Variants in FBXO34 observed in about 807,000 individuals in gnomAD.
FBXO34 encodes F-box only protein 34.
A neutral mutation model predicts 24.5 loss-of-function variants in FBXO34; 12 were observed. That is an observed-to-expected ratio of 0.49 (90% CI 0.31 to 0.79). The LOEUF is 0.79. Ranked by LOEUF, FBXO34 falls within the 30% of genes least tolerant of loss-of-function variation. The probability of loss-of-function intolerance (pLI) is 0.04; values close to 1 mark genes in which losing one functional copy is unlikely to be tolerated. For missense variants in FBXO34, 823 were observed against 857.7 expected, an observed-to-expected ratio of 0.96 and a Z score of 0.51; for synonymous variants, 320 against 311.9, an observed-to-expected ratio of 1.03 and a Z score of -0.27.
At chr14:55,436,846 T>G in the FBXO34 span, 2 of 1,614,244 alleles carry the variant, frequency 1.2e-6, no homozygotes, top group Non-Finnish European at 1.7e-6. Flanking sequence ...TTTATTTTCC[T>G]GGGTAACTTC....
chr14:55,363,497 T>A (rs1884621021), downstream of FBXO34, among the ~76,000 whole-genome samples: 1 of 151,584 alleles, frequency 6.6e-6, no homozygotes, highest in Non-Finnish European at 1.5e-5. Flanking sequence ...CCGACTAATT[T>A]TTGTATTTTT....
At chr14:55,440,426 C>T in the FBXO34 span, 1 of 1,613,034 alleles carries the variant, frequency 6.2e-7, no homozygotes, top group Non-Finnish European at 8.5e-7. Context: ...GGTAGAGCTC[C>T]AGGTAGGTCT....
the FBXO34 span, among the ~76,000 whole-genome samples, chr14:55,418,917 G>T: frequency 6.6e-6 from 1 of 152,134 alleles, no homozygotes; most frequent in South Asian, 2.1e-4. Flanking sequence ...AGATTCTATG[G>T]TCACTTGCAT....
At chr14:55,379,952 AC>A in the FBXO34 span, among the ~76,000 whole-genome samples, 2 of 152,174 alleles carry the variant, frequency 1.3e-5, no homozygotes, top group Admixed American at 6.5e-5. Context: ...ACAACAACAA[AC>A]AAAAAGAATT....
At chr14:55,374,625 A>C (rs1307669551), downstream of FBXO34, among the ~76,000 whole-genome samples, 1 of 152,140 alleles carries the variant, frequency 6.6e-6, no homozygotes, top group Non-Finnish European at 1.5e-5. Flanking sequence ...TCATTATAAA[A>C]CACTGTCCTT....
chr14:55,397,255 G>T, the FBXO34 span: 1 of 895,652 alleles, frequency 1.1e-6, no homozygotes, highest in Non-Finnish European at 1.8e-6. Context: ...ACTTTAAGAG[G>T]TTGTATCCTA....
chr14:55,373,288 G>C (rs1884857241), downstream of FBXO34, among the ~76,000 whole-genome samples: 1 of 151,964 alleles, frequency 6.6e-6, no homozygotes, highest in Admixed American at 6.6e-5. Context: ...ACCAATTAAG[G>C]CAACAAAAGG....
chr14:55,411,526 C>G, the FBXO34 span: 1 of 1,432,732 alleles, frequency 7.0e-7, no homozygotes, highest in South Asian at 1.3e-5. Context: ...ACGGGGAGCC[C>G]CAGGTTCCAG....
At chr14:55,382,200 A>G in the FBXO34 span, 3 of 1,613,218 alleles carry the variant, frequency 1.9e-6, no homozygotes, top group East Asian at 6.7e-5. Context: ...CTCTACAAGT[A>G]GGAAGACACA....
chr14:55,289,861 A>T (rs8010853), intron 1 of FBXO34, among the ~76,000 whole-genome samples: 15,863 of 151,206 alleles, frequency 0.1, 2,185 homozygotes, highest in African/African-American at 0.32. Context: ...TCTACCTTTA[A>T]AAAAAAAAAC....
intron 1 of FBXO34, among the ~76,000 whole-genome samples, chr14:55,284,432 G>A (rs1276746009): frequency 1.4e-5 from 2 of 148,128 alleles, no homozygotes; most frequent in African/African-American, 5.0e-5. Context: ...AGAATCTCTT[G>A]AACTCGGAGG....
intron 1 of FBXO34, among the ~76,000 whole-genome samples, chr14:55,293,620 A>G (rs755290937): frequency 1.3e-5 from 2 of 152,176 alleles, no homozygotes; most frequent in East Asian, 1.9e-4. Flanking sequence ...TTTTAAATCA[A>G]TGAAGGCTTA....
At chr14:55,426,993 A>C in the FBXO34 span, among the ~76,000 whole-genome samples, 1 of 152,242 alleles carries the variant, frequency 6.6e-6, no homozygotes, top group South Asian at 2.1e-4. Flanking sequence ...GCTAAGTCTA[A>C]TGTAGACACA....
At chr14:55,427,047 G>A in the FBXO34 span, among the ~76,000 whole-genome samples, 1 of 152,192 alleles carries the variant, frequency 6.6e-6, no homozygotes, top group East Asian at 1.9e-4. Context: ...ACACTAAGCC[G>A]ATTCAGAGAA....
chr14:55,309,631 G>C (rs1882668622), intron 1 of FBXO34, among the ~76,000 whole-genome samples: 1 of 152,094 alleles, frequency 6.6e-6, no homozygotes, highest in Non-Finnish European at 1.5e-5. Flanking sequence ...CATTTGGAAG[G>C]CTGCATTACT....
chr14:55,370,983 G>A (rs563194145), downstream of FBXO34, among the ~76,000 whole-genome samples: 4 of 152,018 alleles, frequency 2.6e-5, no homozygotes, highest in Non-Finnish European at 5.9e-5. Flanking sequence ...ATGCCCCTCA[G>A]CTCCTGCTCC....
At chr14:55,433,511 T>G in the FBXO34 span, 1 of 917,432 alleles carries the variant, frequency 1.1e-6, no homozygotes, top group Non-Finnish European at 1.7e-6. Flanking sequence ...TTGAATAAAG[T>G]CTTCAGCAAA....
chr14:55,314,626 TG>T (rs1882865301), intron 1 of FBXO34, among the ~76,000 whole-genome samples: 1 of 152,204 alleles, frequency 6.6e-6, no homozygotes, highest in Non-Finnish European at 1.5e-5. Context: ...AAATGATAGA[TG>T]ATAATATTAA....
the FBXO34 span, among the ~76,000 whole-genome samples, chr14:55,408,886 G>A: frequency 6.6e-6 from 1 of 152,204 alleles, no homozygotes; most frequent in Non-Finnish European, 1.5e-5. Context: ...AAATTAGAGA[G>A]GCAAACAGTA....
Sources: gnomAD v4.1 joint callset for allele counts (sites outside exome capture counted in the v4.1 genomes callset) on GRCh38, gnomAD v4.1.1 for gene constraint, MANE v1.5 for transcripts, NCBI Gene and HGNC (gene_info 2026-07-23, HGNC 2026-07-21) for gene names.